RBFOX1: variants seen among roughly 807,000 people sequenced by gnomAD.
The protein encoded by RBFOX1 is RNA binding fox-1 homolog 1, also known as RNA binding protein fox-1 homolog 1.
RBFOX1 carries 8 observed loss-of-function variants against 57.7 expected under a neutral mutation model. The ratio of observed to expected loss-of-function variants is 0.14; its 90% confidence interval spans 0.08 to 0.25. The LOEUF (loss-of-function observed/expected upper bound fraction) is 0.25. Ranked by LOEUF, RBFOX1 falls within the 10% of genes least tolerant of loss-of-function variation. The pLI is 1.00. For missense variants in RBFOX1, 611 were observed against 548.5 expected (o/e 1.11, Z -1.14); for synonymous variants, 326 against 222.4 (o/e 1.47, Z -4.15).
chr16:6,545,962 T>A (rs1410696913), intron 2 of RBFOX1, among the ~76,000 whole-genome samples: 1 of 152,188 alleles, frequency 6.6e-6, no homozygotes, highest in African/African-American at 2.4e-5. Context: ...AAACAGGGAT[T>A]TGCAATCTTT....
At chr16:7,096,132 A>G (rs2061657646) in intron 4 of RBFOX1, among the ~76,000 whole-genome samples, 1 of 152,206 alleles carries the variant, frequency 6.6e-6, no homozygotes. Flanking sequence ...CCCAATCTTC[A>G]TATAACTTAC....
chr16:5,551,738 G>T (rs1372402645), intron 2 of RBFOX1, among the ~76,000 whole-genome samples: 1 of 152,022 alleles, frequency 6.6e-6, no homozygotes, highest in Non-Finnish European at 1.5e-5. Flanking sequence ...CTATCATCTG[G>T]ATTTTAAGCC....
At chr16:7,025,062 G>C (rs1012667258) in intron 3 of RBFOX1, among the ~76,000 whole-genome samples, 1 of 152,156 alleles carries the variant, frequency 6.6e-6, no homozygotes, top group Non-Finnish European at 1.5e-5. Context: ...CAAGAGTTGA[G>C]GGCGTGTCTG....
intron 4 of RBFOX1, among the ~76,000 whole-genome samples, chr16:7,292,624 G>A (rs1429319298): frequency 6.6e-6 from 1 of 151,206 alleles, no homozygotes; most frequent in Non-Finnish European, 1.5e-5. Context: ...ACCTAACAAA[G>A]CACGAAGTGA....
intron 2 of RBFOX1, among the ~76,000 whole-genome samples, chr16:6,464,648 C>T (rs556982030): frequency 2.0e-5 from 3 of 152,344 alleles, no homozygotes; most frequent in Admixed American, 6.5e-5. Flanking sequence ...CCTAACATCG[C>T]TGCTATAGTT....
intron 4 of RBFOX1, among the ~76,000 whole-genome samples, chr16:7,429,534 C>T (rs1025366199): frequency 6.6e-6 from 1 of 152,158 alleles, no homozygotes; most frequent in African/African-American, 2.4e-5. Flanking sequence ...CAGTAAGCTT[C>T]AAGAGAACAG....
intron 3 of RBFOX1, among the ~76,000 whole-genome samples, chr16:6,941,372 G>A (rs1242181383): frequency 1.4e-5 from 2 of 141,832 alleles, no homozygotes; most frequent in Admixed American, 7.6e-5. Flanking sequence ...ATGGCTTCCA[G>A]CAAGTAGATT....
chr16:7,703,041 G>A (rs966602136), intron 14 of RBFOX1, among the ~76,000 whole-genome samples: 2 of 152,174 alleles, frequency 1.3e-5, no homozygotes, highest in African/African-American at 4.8e-5. Context: ...ACCCTATACA[G>A]GGAAGTGAAA....
intron 4 of RBFOX1, among the ~76,000 whole-genome samples, chr16:7,460,387 A>ATATATATATATATATATG (rs2059330864): frequency 2.7e-5 from 2 of 75,470 alleles, no homozygotes; most frequent in Admixed American, 3.4e-4. Flanking sequence ...ATATATATAT[A>ATATATATATATATATATG]TATGTGTGTG....
chr16:6,039,958 G>A (rs1357084649), intron 1 of RBFOX1, among the ~76,000 whole-genome samples: 2 of 152,198 alleles, frequency 1.3e-5, no homozygotes, highest in Non-Finnish European at 2.9e-5. Context: ...TGCCACATGT[G>A]CCATGATAGA....
At chr16:6,654,814 C>G (rs539835703) in intron 3 of RBFOX1, among the ~76,000 whole-genome samples, 164 bp downstream of exon 3, 3 of 152,224 alleles carry the variant, frequency 2.0e-5, no homozygotes, top group East Asian at 3.9e-4. Flanking sequence ...TCATTTTACT[C>G]CTTTACAATC....
chr16:6,870,073 T>A (rs1212315444), intron 3 of RBFOX1, among the ~76,000 whole-genome samples: 3 of 152,170 alleles, frequency 2.0e-5, no homozygotes, highest in African/African-American at 7.2e-5. Flanking sequence ...AAACTGACAA[T>A]TTACTAATCC....
At chr16:6,914,264 A>C (rs905756260) in intron 3 of RBFOX1, among the ~76,000 whole-genome samples, 1 of 152,222 alleles carries the variant, frequency 6.6e-6, no homozygotes, top group South Asian at 2.1e-4. Flanking sequence ...GTACGAAAGC[A>C]AAAGAAAATA....
intron 2 of RBFOX1, among the ~76,000 whole-genome samples, chr16:6,574,783 A>T (rs2097402414): frequency 6.8e-6 from 1 of 147,446 alleles, no homozygotes; most frequent in African/African-American, 2.5e-5. Context: ...TCACGCCTGT[A>T]ATCCCAGCAC....
At chr16:6,255,271 G>T (rs2097653371) in intron 1 of RBFOX1, among the ~76,000 whole-genome samples, 1 of 152,082 alleles carries the variant, frequency 6.6e-6, no homozygotes, top group Non-Finnish European at 1.5e-5. Flanking sequence ...CCATTCCCAG[G>T]CATGGGAAAA....
intron 1 of RBFOX1, among the ~76,000 whole-genome samples, chr16:6,101,414 G>A (rs572594049): frequency 6.6e-6 from 1 of 152,242 alleles, no homozygotes; most frequent in East Asian, 1.9e-4. Flanking sequence ...TCACAAGGCA[G>A]CCTGGAAAGA....
At chr16:7,602,977 C>A (rs976832703) in intron 9 of RBFOX1, among the ~76,000 whole-genome samples, 5 of 152,276 alleles carry the variant, frequency 3.3e-5, no homozygotes, top group Admixed American at 6.5e-5. Flanking sequence ...ACAGTGTGCT[C>A]CTGAATGTCC....
chr16:6,755,294 G>T (rs144059493), intron 3 of RBFOX1, among the ~76,000 whole-genome samples: 1 of 152,100 alleles, frequency 6.6e-6, no homozygotes, highest in Admixed American at 6.5e-5. Context: ...TTCCACAATG[G>T]TTGAACTAGT....
At chr16:7,493,388 A>G (rs1751974226) in intron 4 of RBFOX1, among the ~76,000 whole-genome samples, 1 of 152,204 alleles carries the variant, frequency 6.6e-6, no homozygotes, top group Non-Finnish European at 1.5e-5. Flanking sequence ...TAGACTCAGT[A>G]ACGCCCACAA....
Sources: allele counts gnomAD v4.1 joint callset (sites outside exome capture counted in the v4.1 genomes callset), GRCh38; gene constraint gnomAD v4.1.1; transcripts MANE v1.5; gene names NCBI Gene and HGNC (gene_info 2026-07-23, HGNC 2026-07-21).